DNAH17: variants seen among roughly 807,000 people sequenced by gnomAD.
DNAH17 encodes the protein axonemal beta dynein heavy chain 17.
Under a neutral mutation model 485.6 loss-of-function variants are expected in DNAH17, and 376 were observed. The ratio of observed to expected loss-of-function variants is 0.77; its 90% CI spans 0.71 to 0.84. DNAH17 has a LOEUF of 0.84. Ranked by LOEUF, DNAH17 falls within the 40% of genes least tolerant of loss-of-function variation. The pLI, the probability that DNAH17 is intolerant of heterozygous loss-of-function variation, is 0.00. For synonymous variants in DNAH17, 3,031 were observed against 2,405.9 expected, an observed-to-expected ratio of 1.26 and a Z score of -7.60; for missense variants, 6,370 against 5,839.3, an observed-to-expected ratio of 1.09 and a Z score of -2.96.
At chr17:78,485,520 G>T (rs576892005) in intron 47 of DNAH17, 30 bp downstream of exon 47, 1 of 1,538,728 alleles carries the variant, frequency 6.5e-7, no homozygotes, top group Non-Finnish European at 8.8e-7. Flanking sequence ...GGGCAGCCGG[G>T]TAGGCAGGGC....
rs1000467241 is a variant in DNAH17, at chr17:78,424,003, A to T, written c.13292T>A (p.Ile4431Asn). 16 of 1,613,874 alleles carry T rather than the reference A, an allele frequency of 9.9e-6. No individual in the cohort carries two copies. The highest frequency in any genetic ancestry group is 1.1e-5 in the Non-Finnish European group (13 of 1,179,898). The change falls in exon 81 of 81, where the codon ATC (isoleucine) becomes AAC (asparagine). Residue 4431 changes from isoleucine to asparagine, a missense_variant. Physicochemically the swap from Ile to Asn is moderately radical, Grantham distance 149. Coordinates refer to ENST00000389840, the MANE Select transcript of DNAH17 (RefSeq NM_173628.4). ...IYECPVYKTRIRGPTYVWTFN... is the reference protein window; with the variant it reads ...IYECPVYKTRNRGPTYVWTFN... ...GGTCCAGACATAGGTGGGGCCGCGG[A>T]TGCGTGTTTTGTACACGGGACACTC...
chr17:78,478,112 C>A (rs896065764), intron 51 of DNAH17, among the ~76,000 whole-genome samples: 2 of 150,168 alleles, frequency 1.3e-5, no homozygotes, highest in Non-Finnish European at 3.0e-5. Flanking sequence ...ATCATCATCT[C>A]CACCATCACC....
rs746046192 is a variant in DNAH17, at chr17:78,494,136, G to A, written c.6308C>T (p.Ala2103Val). ...KQSIVELKLQ[A>V]EDSFVLKVVQ... ...CACCTTCAGCACGAAGCTGTCCTCCGCCTGCAGCTTGAGCTCCACGATGCT... is the reference window on the plus strand; with the variant it reads ...CACCTTCAGCACGAAGCTGTCCTCCACCTGCAGCTTGAGCTCCACGATGCT... The change falls in exon 41 of 81, where the codon GCG (alanine) becomes GTG (valine). Residue 2103 changes from alanine to valine, a missense_variant. By Grantham distance (64) the Ala-to-Val change is moderately conservative. Coordinates refer to ENST00000389840, the MANE Select transcript of DNAH17 (RefSeq NM_173628.4). 3.7e-5 allele frequency: 60 copies of A among 1,612,550 alleles called. No individual in the cohort carries two copies. The highest frequency in any genetic ancestry group is 1.2e-4 in the South Asian group (11 of 91,048).
At chr17:78,513,046 C>A (rs1598620366) in intron 26 of DNAH17, among the ~76,000 whole-genome samples, 1 of 151,958 alleles carries the variant, frequency 6.6e-6, no homozygotes, top group Non-Finnish European at 1.5e-5. Context: ...TGAAGCTCAC[C>A]TCATCCTGCT....
At chr17:78,481,351 C>A (rs1336774862) in intron 48 of DNAH17, among the ~76,000 whole-genome samples, 2 of 152,178 alleles carry the variant, frequency 1.3e-5, no homozygotes, top group Non-Finnish European at 2.9e-5. Context: ...GATCCGCCCG[C>A]CTCAGCCTCC....
chr17:78,531,405 C>G (rs996911912), intron 20 of DNAH17, among the ~76,000 whole-genome samples: 1 of 134,666 alleles, frequency 7.4e-6, no homozygotes, highest in South Asian at 2.3e-4. Flanking sequence ...GTGGCGTGAT[C>G]TTGACTCACT....
chr17:78,574,956 C>T lies in DNAH17; in HGVS notation c.102G>A (p.Glu34=), dbSNP rs2092413153. Residue 34 remains glutamate (E), a synonymous_variant, in exon 2 of 81, where the codon GAG becomes GAA. Coordinates refer to ENST00000389840, the MANE Select transcript of DNAH17 (RefSeq NM_173628.4). Reference sequence around the variant, plus strand: ...ACTCTGTGAACAGGGCCACGTTCTCCTCGGCGCCTATCAGCTTGCTCCACT... The same window carrying T: ...ACTCTGTGAACAGGGCCACGTTCTCTTCGGCGCCTATCAGCTTGCTCCACT... ...PDKWSKLIGA[E]ENVALFTEFF... is the part of the protein sequence containing the mutation. 6.2e-7 allele frequency: 1 copy of T among 1,613,870 alleles called. No homozygotes were observed. The highest frequency in any genetic ancestry group is 1.1e-5 in the South Asian group (1 of 91,078).
Position 78,439,109 on chromosome 17 carries a change from C to T in DNAH17, c.11786G>A (p.Gly3929Glu). The change falls in exon 73 of 81, where the codon GGA becomes GAA. Residue 3929 changes from glycine to glutamate, a missense_variant. Physicochemically the swap from Gly to Glu is moderately conservative, Grantham distance 98 (BLOSUM62 -2). Coordinates refer to ENST00000389840, the MANE Select transcript of DNAH17 (RefSeq NM_173628.4). ...ENALDVAAEK[G>E]HWVILQNIHL... The stretch of plus-strand genomic sequence containing the variant: ...TCGTACCTGCAGAATGACCCAGTGT[C>T]CTTTCTCTGCAGCCACGTCCAGGGC... 2 of 1,613,474 alleles carry T rather than the reference C, an allele frequency of 1.2e-6. No homozygotes were observed.
intron 54 of DNAH17, among the ~76,000 whole-genome samples, chr17:78,470,801 G>A (rs2088713811): frequency 6.6e-6 from 1 of 152,210 alleles, no homozygotes; most frequent in South Asian, 2.1e-4. Flanking sequence ...AAGAGGCCCT[G>A]AATAAATATA....
In DNAH17 at chr17:78,444,654, C is replaced by A; in HGVS notation, c.11478G>T (p.Lys3826Asn). ...GCCGCAGGCAGCGCACCATGCACAG[C>A]TTCTGCAGGGCCGTCTTGTTCTTCC... Reference protein sequence around the residue: ...KEWKNKTALQKLCMVRCLRPD... With the variant: ...KEWKNKTALQNLCMVRCLRPD... Residue 3826 changes from lysine to asparagine, a missense_variant, in exon 71 of 81, where the codon AAG (lysine) becomes AAT (asparagine). Lys to Asn is a moderately conservative substitution (Grantham distance 94). Transcript: ENST00000389840. The A allele has an allele frequency of 6.2e-7, 1 of 1,606,404 alleles. No individual in the cohort carries two copies. The highest frequency in any genetic ancestry group is 8.5e-7 in the Non-Finnish European group (1 of 1,177,036).
intron 51 of DNAH17, among the ~76,000 whole-genome samples, chr17:78,477,659 G>T (rs946825130): frequency 6.6e-6 from 1 of 152,200 alleles, no homozygotes; most frequent in African/African-American, 2.4e-5. Context: ...TTACAGGCAT[G>T]AACCACTGCA....
chr17:78,561,531 C>T (rs2092153901), intron 12 of DNAH17, among the ~76,000 whole-genome samples, 184 bp downstream of exon 12: 1 of 152,110 alleles, frequency 6.6e-6, no homozygotes. Context: ...CTCCTGAGCA[C>T]TCCCACCAAG....
At chr17:78,462,695 T>C (rs1361313567) in intron 57 of DNAH17, 149 bp downstream of exon 57, 6 of 714,250 alleles carry the variant, frequency 8.4e-6, no homozygotes, top group Middle Eastern at 3.9e-4. Flanking sequence ...TAGGAGTAAA[T>C]GCTTCTCAAA....
intron 14 of DNAH17, among the ~76,000 whole-genome samples, chr17:78,557,636 C>CAAAAAAAAAAAAAAAAAAAA (rs34251460): frequency 2.8e-4 from 8 of 29,018 alleles, no homozygotes; most frequent in East Asian, 1.7e-3. Context: ...GAGACTGTCT[C>CAAAAAAAAAAAAAAAAAAAA]AAAAAAAAAA....
At chr17:78,510,087 C>T (rs1279552998) in intron 27 of DNAH17, among the ~76,000 whole-genome samples, 1 of 152,186 alleles carries the variant, frequency 6.6e-6, no homozygotes, top group African/African-American at 2.4e-5. Flanking sequence ...GAGGCTGAGG[C>T]AGGAGAATCT....
Position 78,571,125 on chromosome 17 carries a change from C to A in DNAH17, c.833-92G>T, listed in dbSNP as rs1197263503. On this transcript the variant is annotated intron_variant, in intron 5 of 80. Coordinates refer to ENST00000389840, the MANE Select transcript of DNAH17 (RefSeq NM_173628.4). ...CGGCTCCATGTGCTGAGACCTGCTC[C>A]TTCAGGAAATGGGGCCTTTCTCAAG... is the stretch of plus-strand genomic sequence containing the variant. The A allele has an allele frequency of 3.7e-6, 5 of 1,339,176 alleles. No individual in the cohort carries two copies. In the East Asian group the frequency reaches 1.0e-4, roughly 27 times the overall value. The allele number at this position is 1,339,176 out of a possible 1,614,324, so 83.0% of individuals were successfully genotyped here.
rs114733378 is a variant in DNAH17, at chr17:78,436,947, G to A, written c.12033+694C>T. Among the ~76,000 whole-genome samples, 592 of 152,292 alleles carry A rather than the reference G, an allele frequency of 3.9e-3. 8 individuals are homozygous for A. The highest frequency in any genetic ancestry group is 0.013 in the African/African-American group (548 of 41,566). ...AAGCCTTGAGGTCTGTGAGGGAAGA[G>A]TCAGGTGAGGACAGACCCCAGGCAG... is the stretch of plus-strand genomic sequence containing the variant. On this transcript the variant is annotated intron_variant, in intron 74 of 80. Transcript: ENST00000389840.
chr17:78,547,861 G>A (rs2091807227), intron 16 of DNAH17, among the ~76,000 whole-genome samples: 1 of 142,018 alleles, frequency 7.0e-6, no homozygotes, highest in Non-Finnish European at 1.5e-5. Flanking sequence ...CAAGTGATCG[G>A]CCTGCCTTGG....
chr17:78,496,026 A>C lies in DNAH17; in HGVS notation c.5752T>G (p.Cys1918Gly), dbSNP rs765630127. 4 of 1,613,128 alleles carry C rather than the reference A, an allele frequency of 2.5e-6. No homozygotes were observed. The African/African-American group carries it at 5.3e-5, about 22-fold the overall frequency. ...TTGGCCCGAATTGCATCCTGGACAC[A>C]TTTTACCTGCACGGTTGGTGACACA... Reference protein sequence around the residue: ...VLSVIAVQVKCVQDAIRAKKK... With the variant: ...VLSVIAVQVKGVQDAIRAKKK... The change falls in exon 38 of 81, where the codon TGT (cysteine) becomes GGT (glycine). Residue 1918 changes from cysteine (C) to glycine (G), a missense_variant. Coordinates refer to ENST00000389840, the MANE Select transcript of DNAH17 (RefSeq NM_173628.4).
Sources: gnomAD v4.1 joint callset for allele counts (sites outside exome capture counted in the v4.1 genomes callset) on GRCh38, gnomAD v4.1.1 for gene constraint, MANE v1.5 for transcripts, NCBI Gene and HGNC (gene_info 2026-07-23, HGNC 2026-07-21) for gene names.